MTRF1: variants seen among roughly 807,000 people sequenced by gnomAD.
MTRF1 encodes mitochondrial translation release factor 1, also known as peptide chain release factor 1, mitochondrial.
Under a neutral mutation model 62.9 loss-of-function variants are expected in MTRF1, and 51 were observed. That is an observed-to-expected ratio of 0.81 (90% CI 0.65 to 1.02). The LOEUF is 1.02. MTRF1 is among the 50% of genes least tolerant of loss of function. The pLI is 0.00. For synonymous variants in MTRF1, 158 were observed against 181.9 expected (o/e 0.87, Z 1.06); for missense variants, 446 against 530.0 (o/e 0.84, Z 1.56).
the MTRF1 span, among the ~76,000 whole-genome samples, chr13:41,285,211 A>G: frequency 6.6e-6 from 1 of 152,206 alleles, no homozygotes; most frequent in African/African-American, 2.4e-5. Flanking sequence ...ATGAAAAAGG[A>G]CAACTCTGGT....
intron 6 of MTRF1, among the ~76,000 whole-genome samples, chr13:41,239,765 CA>C (rs777349883): frequency 8.5e-5 from 13 of 152,134 alleles, no homozygotes; most frequent in Middle Eastern, 3.4e-3. Context: ...TATTTAAAAG[CA>C]AACAAAACAT....
chr13:41,221,488 T>A (rs1167116534), intron 9 of MTRF1, among the ~76,000 whole-genome samples: 1 of 152,174 alleles, frequency 6.6e-6, no homozygotes, highest in Non-Finnish European at 1.5e-5. Context: ...CTCTTTACTG[T>A]CCTTCACACA....
the MTRF1 span, among the ~76,000 whole-genome samples, chr13:41,296,643 A>G: frequency 6.6e-6 from 1 of 152,146 alleles, no homozygotes; most frequent in Admixed American, 6.5e-5. Flanking sequence ...TGTTTCCAAA[A>G]TCATACAAAT....
At chr13:41,245,621 TTGTC>T (rs1415552498) in intron 5 of MTRF1, among the ~76,000 whole-genome samples, 5 of 152,218 alleles carry the variant, frequency 3.3e-5, no homozygotes, top group Non-Finnish European at 7.3e-5. Context: ...TGTGCTTTCA[TTGTC>T]TGTAGGGATC....
chr13:41,284,228 G>A, the MTRF1 span, among the ~76,000 whole-genome samples: 2 of 151,102 alleles, frequency 1.3e-5, no homozygotes, highest in African/African-American at 4.9e-5. Flanking sequence ...GCTCATGACT[G>A]TAATCCCAGC....
chr13:41,286,019 G>A, the MTRF1 span, among the ~76,000 whole-genome samples: 1 of 143,612 alleles, frequency 7.0e-6, no homozygotes, highest in African/African-American at 2.6e-5. Flanking sequence ...AGCCGAGATC[G>A]AGCCACTGCA....
the MTRF1 span, among the ~76,000 whole-genome samples, chr13:41,295,202 G>A: frequency 8.5e-5 from 13 of 152,136 alleles, no homozygotes; most frequent in South Asian, 2.5e-3. Context: ...TGATGTTGTG[G>A]CCTGACACTG....
chr13:41,311,938 T>TC, the MTRF1 span, among the ~76,000 whole-genome samples: 5 of 152,198 alleles, frequency 3.3e-5, no homozygotes, highest in African/African-American at 1.2e-4. Context: ...TCAGGGATCC[T>TC]CCCCCGGTGG....
chr13:41,305,855 TGTCCCTCATAGGACTTGCTTTAA>T, the MTRF1 span, among the ~76,000 whole-genome samples: 1 of 152,256 alleles, frequency 6.6e-6, no homozygotes, highest in Non-Finnish European at 1.5e-5. Flanking sequence ...CCTTGCTTTG[TGTCCCTCATAGGACTTGCTTTAA>T]GTCCCTCATA....
the MTRF1 span, among the ~76,000 whole-genome samples, chr13:41,305,635 C>A: frequency 1.4e-4 from 22 of 152,360 alleles, no homozygotes; most frequent in African/African-American, 5.3e-4. Context: ...TACCAATCTT[C>A]TTCCTGCATT....
chr13:41,276,674 G>C, the MTRF1 span, among the ~76,000 whole-genome samples: 1 of 152,090 alleles, frequency 6.6e-6, no homozygotes, highest in African/African-American at 2.4e-5. Flanking sequence ...AAGACATTTA[G>C]TTTATAGTTT....
the MTRF1 span, among the ~76,000 whole-genome samples, chr13:41,297,208 TTTTTGTA>T: frequency 6.6e-6 from 1 of 152,212 alleles, no homozygotes; most frequent in Non-Finnish European, 1.5e-5. Flanking sequence ...CTGCTGATTC[TTTTTGTA>T]TTTTGTTTTC....
At chr13:41,305,866 G>T in the MTRF1 span, among the ~76,000 whole-genome samples, 1 of 152,132 alleles carries the variant, frequency 6.6e-6, no homozygotes, top group Non-Finnish European at 1.5e-5. Flanking sequence ...GTCCCTCATA[G>T]GACTTGCTTT....
intron 2 of MTRF1, among the ~76,000 whole-genome samples, chr13:41,259,711 A>AAAAAAAAAAAAAC (rs1566179339): frequency 6.7e-6 from 1 of 149,438 alleles, no homozygotes; most frequent in African/African-American, 2.5e-5. Context: ...CAAAAAAAAA[A>AAAAAAAAAAAAAC]AAAAAAAAAA....
upstream of MTRF1, among the ~76,000 whole-genome samples, chr13:41,265,882 G>T (rs769785187): frequency 4.6e-5 from 7 of 151,892 alleles, no homozygotes; most frequent in Non-Finnish European, 1.0e-4. Context: ...GTGGAGTCTC[G>T]CTCTGTCACC....
the MTRF1 span, among the ~76,000 whole-genome samples, chr13:41,292,512 C>T: frequency 5.1e-5 from 7 of 137,664 alleles, no homozygotes; most frequent in Non-Finnish European, 9.1e-5. Flanking sequence ...ACCTGGGAGG[C>T]GGAGCTTGCA....
At chr13:41,306,365 C>T in the MTRF1 span, among the ~76,000 whole-genome samples, 2 of 148,426 alleles carry the variant, frequency 1.3e-5, no homozygotes, top group African/African-American at 5.0e-5. Flanking sequence ...GCCTGGGACA[C>T]GGAGTGAGAC....
chr13:41,246,341 G>C (rs1458967742), intron 5 of MTRF1, among the ~76,000 whole-genome samples: 2 of 152,038 alleles, frequency 1.3e-5, no homozygotes, highest in East Asian at 3.8e-4. Flanking sequence ...ATGTGTTTTT[G>C]CATGGGGATT....
chr13:41,271,084 CA>C, the MTRF1 span, among the ~76,000 whole-genome samples: 46 of 149,718 alleles, frequency 3.1e-4, no homozygotes, highest in Admixed American at 9.2e-4. Flanking sequence ...CACACACACA[CA>C]CACACACCCC....
Sources: allele counts gnomAD v4.1 joint callset (sites outside exome capture counted in the v4.1 genomes callset), GRCh38; gene constraint gnomAD v4.1.1; transcripts MANE v1.5; gene names NCBI Gene and HGNC (gene_info 2026-07-23, HGNC 2026-07-21).